ESRRG: variants seen among roughly 807,000 people sequenced by gnomAD.
The protein encoded by ESRRG is estrogen-related receptor gamma.
A neutral mutation model predicts 44.0 loss-of-function variants in ESRRG; 13 were observed. The ratio of observed to expected loss-of-function variants is 0.30; its 90% CI spans 0.19 to 0.47. The LOEUF is 0.47. Ranked by LOEUF, ESRRG falls within the 20% of genes least tolerant of loss-of-function variation. The probability of loss-of-function intolerance (pLI) is 1.00; values close to 1 mark genes in which losing one functional copy is unlikely to be tolerated. For missense variants in ESRRG, 395 were observed against 580.6 expected (o/e 0.68, Z 3.29); for synonymous variants, 215 against 214.6 (o/e 1.00, Z -0.02).
At chr1:216,864,524 C>CA (rs1406068762) in intron 2 of ESRRG, 1 of 151,742 alleles carries the variant, frequency 6.6e-6, no homozygotes, top group East Asian at 1.9e-4. Context: ...TGTAGTGCTT[C>CA]ACCCAAAACA....
At chr1:216,554,077 T>C (rs1449730331) in intron 5 of ESRRG, among the ~76,000 whole-genome samples, 4 of 152,024 alleles carry the variant, frequency 2.6e-5, no homozygotes, top group African/African-American at 9.7e-5. Context: ...GATGGCTGAA[T>C]TGGGGAGGAA....
At chr1:217,119,486 A>C (rs960229428) in intron 1 of ESRRG, among the ~76,000 whole-genome samples, 1 of 152,354 alleles carries the variant, frequency 6.6e-6, no homozygotes, top group Admixed American at 6.5e-5. Context: ...ATACAAATGA[A>C]AAGAAAAAGA....
chr1:216,771,791 G>C (rs2093392222), intron 2 of ESRRG, among the ~76,000 whole-genome samples: 1 of 144,558 alleles, frequency 6.9e-6, no homozygotes, highest in Admixed American at 7.0e-5. Context: ...TTTAATTACA[G>C]TATTTTTATT....
intron 1 of ESRRG, among the ~76,000 whole-genome samples, chr1:216,959,053 T>C (rs1352305959): frequency 6.6e-6 from 1 of 152,112 alleles, no homozygotes; most frequent in African/African-American, 2.4e-5. Context: ...CCTCTCTCTT[T>C]CCCTCCCTTT....
At chr1:217,005,830 A>G (rs553905459) in intron 1 of ESRRG, among the ~76,000 whole-genome samples, 50 of 152,086 alleles carry the variant, frequency 3.3e-4, no homozygotes, top group Admixed American at 2.7e-3. Flanking sequence ...ATACAAATTT[A>G]TAGGAAAAGT....
upstream of ESRRG, among the ~76,000 whole-genome samples, chr1:217,093,658 C>T (rs2092382747): frequency 1.3e-5 from 2 of 151,780 alleles, no homozygotes; most frequent in African/African-American, 4.8e-5. Context: ...GTGGCATGTG[C>T]CTGTTGTCCC....
At chr1:216,536,113 TA>T (rs753126668) in intron 5 of ESRRG, among the ~76,000 whole-genome samples, 1 of 152,154 alleles carries the variant, frequency 6.6e-6, no homozygotes, top group East Asian at 1.9e-4. Flanking sequence ...TTTCTTCTTT[TA>T]TGCCAATCCT....
At chr1:216,827,518 A>G (rs1346856183) in intron 2 of ESRRG, among the ~76,000 whole-genome samples, 1 of 152,212 alleles carries the variant, frequency 6.6e-6, no homozygotes, top group Non-Finnish European at 1.5e-5. Flanking sequence ...AGGAATAATT[A>G]TGACCTATGT....
chr1:216,953,880 C>G (rs1226332315), intron 1 of ESRRG, among the ~76,000 whole-genome samples: 1 of 151,698 alleles, frequency 6.6e-6, no homozygotes, highest in African/African-American at 2.4e-5. Context: ...TTAAAACAAT[C>G]ATATGGTTTA....
At chr1:216,821,702 A>AAAT (rs2095297279) in intron 2 of ESRRG, among the ~76,000 whole-genome samples, 3 of 125,912 alleles carry the variant, frequency 2.4e-5, no homozygotes, top group African/African-American at 9.2e-5. Flanking sequence ...ATAAATAAAT[A>AAAT]AATAAATAAA....
chr1:216,591,987 C>G (rs2057745265), intron 3 of ESRRG, among the ~76,000 whole-genome samples: 1 of 152,042 alleles, frequency 6.6e-6, no homozygotes, highest in Non-Finnish European at 1.5e-5. Context: ...GTCAAGTGAC[C>G]AAGATAATGT....
intron 1 of ESRRG, among the ~76,000 whole-genome samples, chr1:217,070,213 A>AT (rs2090379814): frequency 6.6e-6 from 1 of 152,224 alleles, no homozygotes; most frequent in African/African-American, 2.4e-5. Flanking sequence ...ATTAGGAAGA[A>AT]TGTGGCTTAT....
intron 2 of ESRRG, among the ~76,000 whole-genome samples, chr1:216,772,208 C>T (rs1321378317): frequency 6.6e-6 from 1 of 152,090 alleles, no homozygotes; most frequent in Admixed American, 6.6e-5. Context: ...GTTGTTCACA[C>T]CAATAGTAAA....
At chr1:216,837,626 G>A (rs562569149) in intron 2 of ESRRG, among the ~76,000 whole-genome samples, 1 of 152,114 alleles carries the variant, frequency 6.6e-6, no homozygotes, top group South Asian at 2.1e-4. Flanking sequence ...GAATCTGAGA[G>A]AGTGGGCTGG....
chr1:217,133,688 T>TTTC (rs2093006716), intron 1 of ESRRG, among the ~76,000 whole-genome samples: 1 of 151,018 alleles, frequency 6.6e-6, no homozygotes. Flanking sequence ...TCTTTCTAAC[T>TTTC]GTGCTTTTAC....
intron 2 of ESRRG, among the ~76,000 whole-genome samples, chr1:216,829,169 G>C (rs2095445171): frequency 6.6e-6 from 1 of 152,118 alleles, no homozygotes; most frequent in South Asian, 2.1e-4. Context: ...GCTAACCTGT[G>C]AAGTTTATTC....
At chr1:216,760,110 G>T (rs980963492) in intron 2 of ESRRG, among the ~76,000 whole-genome samples, 1 of 152,044 alleles carries the variant, frequency 6.6e-6, no homozygotes. Context: ...ATGAGGGATA[G>T]GGACTGGTCT....
At chr1:216,516,053 T>A (rs2044166487) in intron 6 of ESRRG, among the ~76,000 whole-genome samples, 2 of 152,040 alleles carry the variant, frequency 1.3e-5, no homozygotes, top group South Asian at 4.1e-4. Flanking sequence ...ATGAAAAAAC[T>A]GGGGCCTCAG....
rs568423295 is a variant in ESRRG, at chr1:216,677,585, T to C, written c.57-94A>G. 4.8e-4 allele frequency: 515 copies of C among 1,080,290 alleles called. 1 individual carries two copies. The highest frequency in any genetic ancestry group is 6.4e-4 in the Non-Finnish European group (489 of 767,978). 66.9% of individuals were successfully genotyped at this position (1,080,290 alleles called of 1,614,324 possible). A position where few individuals can be genotyped will look rare whatever the true frequency, so the allele number is the denominator to read the frequency against. On this transcript the variant is annotated intron_variant, in intron 1 of 6. Transcript: ENST00000408911. ...TAGAAACAAAAGAGATGGTGAAAAA[T>C]AGAGAAAGGGAAAGGGAAAGGTAAA...
Sources: allele counts gnomAD v4.1 joint callset (sites outside exome capture counted in the v4.1 genomes callset), GRCh38; gene constraint gnomAD v4.1.1; transcripts MANE v1.5; gene names NCBI Gene and HGNC (gene_info 2026-07-23, HGNC 2026-07-21).